CRYBG1: variants seen among roughly 807,000 people sequenced by gnomAD.
The protein encoded by CRYBG1 is crystallin beta-gamma domain containing 1.
CRYBG1 carries 139 observed loss-of-function variants against 189.2 expected under a neutral mutation model. The ratio of observed to expected loss-of-function variants is 0.73; its 90% confidence interval spans 0.64 to 0.85. The LOEUF (loss-of-function observed/expected upper bound fraction) is 0.85, where lower values mean the gene tolerates loss of function less well. CRYBG1 is among the 40% of genes least tolerant of loss of function. CRYBG1 has a pLI of 0.00. For synonymous variants in CRYBG1, 1,023 were observed against 1,017.1 expected, an observed-to-expected ratio of 1.01 and a Z score of -0.11; for missense variants, 2,611 against 2,675.8, an observed-to-expected ratio of 0.98 and a Z score of 0.53.
chr6:106,412,943 T>TAAAAAA, intron 1 of CRYBG1, among the ~76,000 whole-genome samples: 1 of 118,836 alleles, frequency 8.4e-6, no homozygotes, highest in South Asian at 2.8e-4. Flanking sequence ...ACAAATTCTT[T>TAAAAAA]AAAAAAAAAA....
chr6:106,495,520 G>T (rs1229032190), intron 2 of CRYBG1, among the ~76,000 whole-genome samples: 3 of 150,446 alleles, frequency 2.0e-5, no homozygotes, highest in African/African-American at 7.3e-5. Context: ...TTATTGTCTA[G>T]ATCTGGTAGT....
intron 1 of CRYBG1, among the ~76,000 whole-genome samples, chr6:106,432,071 C>T (rs1255143179): frequency 1.3e-5 from 2 of 152,060 alleles, no homozygotes; most frequent in Non-Finnish European, 2.9e-5. Context: ...TTAATTCTAG[C>T]GTGGCAAAAA....
intron 13 of CRYBG1, among the ~76,000 whole-genome samples, chr6:106,546,880 C>T (rs755523295): frequency 3.3e-5 from 5 of 152,164 alleles, no homozygotes; most frequent in Non-Finnish European, 5.9e-5. Context: ...TTCTATTAGT[C>T]AGAGCCTAGT....
intron 14 of CRYBG1, 54 bp downstream of exon 14, chr6:106,552,032 A>T: frequency 2.0e-6 from 3 of 1,517,758 alleles, no homozygotes; most frequent in Non-Finnish European, 2.7e-6. Context: ...GGATTTCCTT[A>T]ATGTGTGTTC....
At chr6:106,459,545 G>GTC (rs1771959450) in intron 2 of CRYBG1, among the ~76,000 whole-genome samples, 1 of 138,938 alleles carries the variant, frequency 7.2e-6, no homozygotes, top group Non-Finnish European at 1.6e-5. Flanking sequence ...CCATTTGTGG[G>GTC]TTTTTTTTTT....
At chr6:106,496,833 A>G (rs1202537568) in intron 2 of CRYBG1, among the ~76,000 whole-genome samples, 2 of 152,212 alleles carry the variant, frequency 1.3e-5, no homozygotes, top group Non-Finnish European at 2.9e-5. Flanking sequence ...GTGAGACGAC[A>G]TTTTAATTTT....
chr6:106,398,829 C>T (rs995098775), intron 1 of CRYBG1, among the ~76,000 whole-genome samples: 1 of 152,166 alleles, frequency 6.6e-6, no homozygotes, highest in Non-Finnish European at 1.5e-5. Context: ...TGTTTATAGG[C>T]CTGTTTCTCT....
rs1231965653 is a variant in CRYBG1 at position 106,367,644 on chromosome 6, G to T, written c.173+6563G>T. Among the ~76,000 whole-genome samples, 4 of 146,942 alleles carry T rather than the reference G, an allele frequency of 2.7e-5. No homozygotes were observed. In the Admixed American group the frequency reaches 2.7e-4, roughly 10 times the overall value. The stretch of plus-strand genomic sequence containing the variant: ...TACTCCCTTTTTCATTAATAGTTTT[G>T]CCAGAATGTATGGCTTTTGATTATA... On this transcript the variant is annotated intron_variant, in intron 1 of 21. Transcript: ENST00000633556.
At position 106,570,565 on chromosome 6, in the gene CRYBG1, G is replaced by T. The variant is rs571010798; in HGVS notation, c.*1999G>T. On this transcript the variant is annotated 3_prime_UTR_variant, in exon 22 of 22. Coordinates refer to ENST00000633556, the MANE Select transcript of CRYBG1 (RefSeq NM_001371242.2). ...GATGAAGCAGGTTTGAGGGGTGCTG[G>T]TATAATAGCAAGAAAGATTTGCTGA... is the stretch of plus-strand genomic sequence containing the variant. 6.6e-6 allele frequency: 1 copy of T among 152,244 alleles called. No individual in the cohort carries two copies. The highest frequency in any genetic ancestry group is 1.5e-5 in the Non-Finnish European group (1 of 68,016). The allele number at this position is 152,244 out of a possible 1,614,324, so 9.4% of individuals were successfully genotyped here.
At chr6:106,383,303 T>C (rs1369003765) in intron 1 of CRYBG1, among the ~76,000 whole-genome samples, 1 of 152,158 alleles carries the variant, frequency 6.6e-6, no homozygotes, top group Non-Finnish European at 1.5e-5. Flanking sequence ...TCGTTAAAGT[T>C]TGAGAACCAA....
intron 2 of CRYBG1, among the ~76,000 whole-genome samples, chr6:106,498,100 TA>T (rs11295015): frequency 0.47 from 58,135 of 123,080 alleles, 12,415 homozygotes; most frequent in East Asian, 0.53. Context: ...GACTCCGTCT[TA>T]AAAAAAAAAA....
chr6:106,535,144 A>T (rs1773972419), intron 8 of CRYBG1, among the ~76,000 whole-genome samples: 2 of 152,198 alleles, frequency 1.3e-5, no homozygotes, highest in Non-Finnish European at 1.5e-5. Context: ...CCGTGGACCC[A>T]CCATCCAACT....
At chr6:106,377,621 T>TATATATATATA (rs1419204336) in intron 1 of CRYBG1, among the ~76,000 whole-genome samples, 25 of 69,488 alleles carry the variant, frequency 3.6e-4, no homozygotes, top group African/African-American at 8.6e-4. Context: ...TCCTAAGGTT[T>TATATATATATA]TATATATATA....
intron 1 of CRYBG1, among the ~76,000 whole-genome samples, chr6:106,384,611 G>A (rs1770350119): frequency 2.0e-5 from 3 of 152,004 alleles, no homozygotes; most frequent in Admixed American, 6.6e-5. Context: ...CACAAAGATA[G>A]GATGTTGGAA....
In CRYBG1 at chr6:106,563,863, A is replaced by G; in HGVS notation, c.6238A>G (p.Ser2080Gly). 1 of 1,613,654 alleles carries G rather than the reference A, an allele frequency of 6.2e-7. No homozygotes were observed. Among genetic ancestry groups the G allele is most frequent in the Non-Finnish European group, 8.5e-7 (1 of 1,179,538 alleles). Reference protein sequence around the residue: ...LDQNADSQFWSLKSDGRIYSK... With the variant: ...LDQNADSQFWGLKSDGRIYSK... ...CCAGAATGCTGACAGCCAGTTCTGG[A>G]GCTTGAAGTCCGATGGCAGGATTTA... is the stretch of plus-strand genomic sequence containing the variant. Residue 2080 changes from serine (S) to glycine (G), a missense_variant, in exon 21 of 22, where the codon AGC becomes GGC. Physicochemically the swap from Ser to Gly is moderately conservative, Grantham distance 56. This residue lies in a region of CRYBG1 where 1,622 missense variants were observed against 1,735.0 expected (regional missense o/e 0.93). Coordinates refer to ENST00000633556, the MANE Select transcript of CRYBG1 (RefSeq NM_001371242.2).
chr6:106,499,205 T>G (rs1031074488), intron 2 of CRYBG1, among the ~76,000 whole-genome samples: 7 of 148,252 alleles, frequency 4.7e-5, no homozygotes, highest in Non-Finnish European at 7.4e-5. Flanking sequence ...CAGGCTGGAG[T>G]GCAGTGGCGT....
intron 4 of CRYBG1, among the ~76,000 whole-genome samples, chr6:106,522,449 G>T (rs1049178515): frequency 6.6e-6 from 1 of 152,080 alleles, no homozygotes; most frequent in Non-Finnish European, 1.5e-5. Context: ...ATGATTTTGG[G>T]GAATAATTTT....
At position 106,512,783 on chromosome 6, in the gene CRYBG1, GC is replaced by G; in HGVS notation, c.1667del (p.Ala556GlyfsTer67). 1 of 1,580,470 alleles carries G rather than the reference GC, an allele frequency of 6.3e-7. No individual in the cohort carries two copies. The highest frequency in any genetic ancestry group is 8.6e-7 in the Non-Finnish European group (1 of 1,162,942). On this transcript the variant is annotated frameshift_variant, in exon 3 of 22. Transcript: ENST00000633556. LOFTEE classifies it high-confidence loss of function. ...TCCCAGCCCAGTCACCAAGGGCACTGCGGCCGAGAGCGGGGAGGAGGCGGCG... is the reference window on the plus strand; with the variant it reads ...TCCCAGCCCAGTCACCAAGGGCACTGGGCCGAGAGCGGGGAGGAGGCGGCG... The part of the protein sequence containing the change: ...PDPSPVTKGT[A>X]AESGEEAARA...
At chr6:106,550,733 A>G (rs543553347) in intron 13 of CRYBG1, among the ~76,000 whole-genome samples, 1 of 152,296 alleles carries the variant, frequency 6.6e-6, no homozygotes, top group South Asian at 2.1e-4. Context: ...TGTAATAGAC[A>G]CAGCTTCCTA....
Sources: allele counts gnomAD v4.1 joint callset (sites outside exome capture counted in the v4.1 genomes callset), GRCh38; gene constraint gnomAD v4.1.1; regional missense constraint gnomAD v4.1.1; transcripts MANE v1.5; gene names NCBI Gene and HGNC (gene_info 2026-07-23, HGNC 2026-07-21).